Variants in ZNF232 observed in about 807,000 individuals in gnomAD.
ZNF232 encodes zinc finger and SCAN domain-containing protein 11.
ZNF232 carries 25 observed loss-of-function variants against 25.2 expected under a neutral mutation model. That is an observed-to-expected ratio of 0.99 (90% confidence interval 0.72 to 1.39). The LOEUF is 1.39. ZNF232 is among the 40% of genes most tolerant of loss of function. The pLI, the probability that ZNF232 is intolerant of heterozygous loss-of-function variation, is 0.00. For missense variants in ZNF232, 519 were observed against 520.9 expected (o/e 1.00, Z 0.04); for synonymous variants, 193 against 182.9 (o/e 1.06, Z -0.45).
chr17:5,118,254 C>T (rs1184349948), intron 1 of ZNF232: 1 of 152,538 alleles, frequency 6.6e-6, no homozygotes, highest in Middle Eastern at 2.4e-3. Context: ...CCTGTTTACT[C>T]AGCCCACTGT....
At chr17:5,115,276 ATG>A (rs2072503040), upstream of ZNF232, among the ~76,000 whole-genome samples, 1 of 151,958 alleles carries the variant, frequency 6.6e-6, no homozygotes, top group Non-Finnish European at 1.5e-5. Context: ...AGAGGGCCGG[ATG>A]TGGTGGGTCG....
At chr17:5,105,995 C>A in exon 4 of ZNF232, 1 of 1,614,138 alleles carries the variant, frequency 6.2e-7, no homozygotes, top group Non-Finnish European at 8.5e-7. Flanking sequence ...ACTCATTACA[C>A]TCATAGGGCT....
chr17:5,106,451 G>C (rs767943146), exon 4 of ZNF232: 3 of 1,614,228 alleles, frequency 1.9e-6, no homozygotes, highest in Non-Finnish European at 1.7e-6. Flanking sequence ...CTTCAGTAAT[G>C]GGTGGTTGTG....
Position 5,109,455 on chromosome 17 carries a change from C to G in ZNF232, c.437G>C (p.Ser146Thr), listed in dbSNP as rs749682350. 10 of 1,613,994 alleles carry G rather than the reference C, an allele frequency of 6.2e-6. No individual in the cohort carries two copies. In the Admixed American group the frequency reaches 1.7e-4, roughly 27 times the overall value. Reference sequence around the variant, plus strand: ...CAGCACAGTCACAGCCTCCTCTCCACTCTTAGGGTGATGTCCCCGCACCCA... The same window carrying G: ...CAGCACAGTCACAGCCTCCTCTCCAGTCTTAGGGTGATGTCCCCGCACCCA... The change falls in exon 2 of 4, where the codon AGT becomes ACT. Residue 146 changes from serine (S) to threonine (T), a missense_variant. Coordinates refer to ENST00000575898, the Ensembl canonical transcript of ZNF232.
exon 2 of ZNF232, chr17:5,109,842 T>G (rs756257050): frequency 1.9e-6 from 3 of 1,611,310 alleles, no homozygotes; most frequent in Non-Finnish European, 2.5e-6. Flanking sequence ...AGAAGGCTCA[T>G]ACCAGCTGGA....
chr17:5,116,338 C>G (rs1567762678), upstream of ZNF232: 1 of 152,932 alleles, frequency 6.5e-6, no homozygotes, highest in Non-Finnish European at 1.5e-5. Context: ...CCACTCCCGG[C>G]TTCCCGGGGC....
rs772061503 is a variant in ZNF232, at chr17:5,106,171, G to A, written c.961C>T (p.Pro321Ser). 4 of 1,614,068 alleles carry A rather than the reference G, an allele frequency of 2.5e-6. No homozygotes were observed. In the South Asian group the frequency reaches 3.3e-5, roughly 13 times the overall value. Reference sequence around the variant, plus strand: ...TTCCCACAGTCACTACACTTATAGGGTTTCTCTCCAGAATGAACTCTCTGG... The same window carrying A: ...TTCCCACAGTCACTACACTTATAGGATTTCTCTCCAGAATGAACTCTCTGG... Residue 321 changes from proline to serine, a missense_variant, in exon 4 of 4, where the codon CCC becomes TCC. Pro to Ser is a moderately conservative substitution (Grantham distance 74). Coordinates refer to ENST00000575898, the Ensembl canonical transcript of ZNF232.
intron 1 of ZNF232, among the ~76,000 whole-genome samples, chr17:5,122,516 C>T (rs1316325629): frequency 6.6e-6 from 1 of 152,224 alleles, no homozygotes; most frequent in Admixed American, 6.5e-5. Context: ...GCCCGGCGGT[C>T]CTCTTAGTTC....
intron 1 of ZNF232, among the ~76,000 whole-genome samples, chr17:5,119,083 T>C (rs1014680423): frequency 6.6e-6 from 1 of 152,152 alleles, no homozygotes; most frequent in Non-Finnish European, 1.5e-5. Flanking sequence ...CAACTTCATG[T>C]CCTGCCTCTA....
intron 1 of ZNF232, among the ~76,000 whole-genome samples, chr17:5,122,624 G>A (rs2072720892): frequency 6.6e-6 from 1 of 151,874 alleles, no homozygotes; most frequent in Admixed American, 6.5e-5. Flanking sequence ...GGGCCCTCCC[G>A]GAACGGCCGG....
chr17:5,111,687 A>T, intron 1 of ZNF232, 113 bp downstream of exon 1: 1 of 1,561,830 alleles, frequency 6.4e-7, no homozygotes, highest in Non-Finnish European at 8.7e-7. Context: ...CTCTCCACAC[A>T]CAACCGCGGA....
At chr17:5,111,940 T>G, upstream of ZNF232, 1 of 1,442,446 alleles carries the variant, frequency 6.9e-7, no homozygotes, top group Non-Finnish European at 9.3e-7. Context: ...CCGGCTTCCG[T>G]TCGCGGACTT....
chr17:5,122,878 C>G (rs1210691494), intron 1 of ZNF232: 4 of 152,290 alleles, frequency 2.6e-5, no homozygotes, highest in Non-Finnish European at 4.4e-5. Context: ...CAAGGAAGAA[C>G]GCGACGACGC....
intron 1 of ZNF232, 173 bp downstream of exon 1, chr17:5,111,627 G>C (rs1465779242): frequency 1.1e-6 from 1 of 908,552 alleles, no homozygotes; most frequent in Non-Finnish European, 1.6e-6. Context: ...GGCACGTGAC[G>C]CGACGCAACG....
chr17:5,121,312 C>T (rs2072657957), intron 1 of ZNF232: 2 of 347,524 alleles, frequency 5.8e-6, no homozygotes, highest in Non-Finnish European at 1.1e-5. Flanking sequence ...GGTTCTCAGC[C>T]CCTTTCCTGT....
upstream of ZNF232, chr17:5,115,131 C>G (rs184203834): frequency 6.8e-6 from 1 of 147,382 alleles, no homozygotes; most frequent in East Asian, 2.0e-4. Flanking sequence ...AATTCTGGAA[C>G]GAGCCAGGAA....
chr17:5,112,043 G>A (rs867155415), upstream of ZNF232: 1 of 659,538 alleles, frequency 1.5e-6, no homozygotes, highest in Non-Finnish European at 2.5e-6. Flanking sequence ...CCGCCTGCAC[G>A]ACTGGACTGG....
At chr17:5,108,834 C>T (rs117970771) in intron 3 of ZNF232, 92 bp downstream of exon 3, 18,132 of 1,581,228 alleles carry the variant, frequency 0.011, 146 homozygotes, top group Middle Eastern at 0.019. Context: ...CATTTAAGCA[C>T]CTACTACTAT....
At chr17:5,122,347 A>G (rs1381422339) in intron 1 of ZNF232, among the ~76,000 whole-genome samples, 1 of 152,142 alleles carries the variant, frequency 6.6e-6, no homozygotes, top group Non-Finnish European at 1.5e-5. Context: ...CATCAGCCAC[A>G]GGGTGAAGAG....
Sources: gnomAD v4.1 joint callset for allele counts (sites outside exome capture counted in the v4.1 genomes callset) on GRCh38, gnomAD v4.1.1 for gene constraint, MANE v1.5 for transcripts, NCBI Gene and HGNC (gene_info 2026-07-23, HGNC 2026-07-21) for gene names.